PARP1: variants seen among roughly 807,000 people sequenced by gnomAD.
PARP1 encodes poly(ADP-ribose) polymerase 1.
Under a neutral mutation model 118.7 loss-of-function variants are expected in PARP1, and 44 were observed. The ratio of observed to expected loss-of-function variants is 0.37; its 90% CI spans 0.29 to 0.48. PARP1 has a LOEUF of 0.48. Among genes scored for constraint, PARP1 ranks in the 20% least tolerant of loss-of-function variants. PARP1 has a pLI of 0.99. For missense variants in PARP1, 1,100 were observed against 1,272.4 expected (o/e 0.86, Z 2.06); for synonymous variants, 492 against 483.2 (o/e 1.02, Z -0.24).
intron 14 of PARP1, 152 bp from the exon 15 acceptor site, chr1:226,370,669 G>A (rs1664362933): frequency 1.4e-6 from 1 of 698,796 alleles, no homozygotes; most frequent in East Asian, 2.7e-5. Flanking sequence ...CAAATCCAGA[G>A]TCTGTAGCCC....
intron 2 of PARP1, 116 bp downstream of exon 2, chr1:226,402,098 C>T (rs753779542): frequency 2.5e-6 from 4 of 1,595,456 alleles, no homozygotes; most frequent in Admixed American, 3.5e-5. Flanking sequence ...TACGCTTGAT[C>T]TGCACATGTG....
chr1:226,385,669 T>C lies in PARP1; in HGVS notation c.846A>G (p.Arg282=), dbSNP rs777300145. Residue 282 remains arginine (R), a synonymous_variant, in exon 7 of 23, where the codon CGA becomes CGG. Coordinates refer to ENST00000366794, the MANE Select transcript of PARP1 (RefSeq NM_001618.4). ...CACCGAACACCATGCCATCAGCTAC[T>C]CGGTCCAAGATCTGCAGCCAGTGGA... ...VPSGESAILD[R]VADGMVFGAL... is the part of the protein sequence containing the mutation. 6.2e-7 allele frequency: 1 copy of C among 1,614,030 alleles called. No homozygotes were observed. The highest frequency in any genetic ancestry group is 1.3e-5 in the African/African-American group (1 of 74,926).
Position 226,390,530 on chromosome 1 carries a change from T to C in PARP1, c.497A>G (p.Asn166Ser), listed in dbSNP as rs1297847926. 1.2e-6 allele frequency: 2 copies of C among 1,614,094 alleles called. No individual in the cohort carries two copies. The highest frequency in any genetic ancestry group is 2.7e-5 in the African/African-American group (2 of 74,922). ...RWYHPGCFVK[N>S]REELGFRPEY... ...GGGCCGGAAACCCAGCTCCTCCCTG[T>C]TCTTGACAAAGCAGCCTGGATGGTA... Residue 166 changes from asparagine (N) to serine (S), a missense_variant, in exon 4 of 23, where the codon AAC becomes AGC. Around this residue, in one of 2 missense-constraint regions of PARP1, gnomAD observed 948 missense variants for 1,031.8 expected, o/e 0.92. Transcript: ENST00000366794.
chr1:226,366,933 C>CA, intron 17 of PARP1: 1 of 187,602 alleles, frequency 5.3e-6, no homozygotes, highest in Non-Finnish European at 1.1e-5. Flanking sequence ...ACCGGGCCAT[C>CA]TAGAAGCTGA....
chr1:226,401,544 C>T (rs1396620863), intron 2 of PARP1, among the ~76,000 whole-genome samples: 1 of 152,178 alleles, frequency 6.6e-6, no homozygotes, highest in Middle Eastern at 3.2e-3. Context: ...CAATGGTAAA[C>T]TGATATGGCA....
At position 226,407,960 on chromosome 1, in the gene PARP1, G is replaced by A. The variant is rs2102750398; in HGVS notation, c.-31C>T. On this transcript the variant is annotated 5_prime_UTR_variant, in exon 1 of 23. Coordinates refer to ENST00000366794, the MANE Select transcript of PARP1 (RefSeq NM_001618.4). ...CCTAGCTGCCGCCAAAGCTCCGGAA[G>A]CCCGACGCCACGACCTAGAAACACG... 1 of 1,611,684 alleles carries A rather than the reference G, an allele frequency of 6.2e-7. No individual in the cohort carries two copies. Among genetic ancestry groups the A allele is most frequent in the African/African-American group, 1.3e-5 (1 of 74,942 alleles).
chr1:226,386,876 G>T (rs1664726329), intron 5 of PARP1, among the ~76,000 whole-genome samples: 1 of 152,080 alleles, frequency 6.6e-6, no homozygotes, highest in African/African-American at 2.4e-5. Flanking sequence ...TTCCTTGATG[G>T]TATATTATAT....
chr1:226,401,789 C>T (rs1257452039), intron 2 of PARP1, among the ~76,000 whole-genome samples: 1 of 152,076 alleles, frequency 6.6e-6, no homozygotes, highest in Non-Finnish European at 1.5e-5. Context: ...GAATGTAGAG[C>T]ATCAGGAGTT....
intron 2 of PARP1, among the ~76,000 whole-genome samples, chr1:226,397,680 C>T (rs375666436): frequency 1.2e-4 from 18 of 152,228 alleles, no homozygotes; most frequent in African/African-American, 2.4e-4. Context: ...CCTCCTGCTC[C>T]GGCCATGTCA....
At chr1:226,374,200 C>A (rs2102732124) in intron 14 of PARP1, 26 bp downstream of exon 14, 1 of 1,612,610 alleles carries the variant, frequency 6.2e-7, no homozygotes, top group Non-Finnish European at 8.5e-7. Flanking sequence ...CAAATGCTCA[C>A]AGATAAAATG....
chr1:226,368,725 C>T (rs142895148), intron 15 of PARP1, among the ~76,000 whole-genome samples: 31 of 152,102 alleles, frequency 2.0e-4, no homozygotes, highest in African/African-American at 6.3e-4. Flanking sequence ...AGGAGGTTGC[C>T]CATCGCTATA....
chr1:226,393,063 T>C (rs901696740), intron 2 of PARP1: 4 of 1,233,314 alleles, frequency 3.2e-6, no homozygotes, highest in Non-Finnish European at 4.4e-6. Flanking sequence ...TACTTGTAGA[T>C]GATTCTATTT....
At chr1:226,394,161 C>A (rs1238581072) in intron 2 of PARP1, among the ~76,000 whole-genome samples, 2 of 152,148 alleles carry the variant, frequency 1.3e-5, no homozygotes, top group African/African-American at 2.4e-5. Flanking sequence ...CCAGCCTGGG[C>A]AACATAGAGA....
At position 226,361,281 on chromosome 1, in the gene PARP1, A is replaced by C; in HGVS notation, c.*179T>G. 1.5e-6 allele frequency: 1 copy of C among 670,204 alleles called. No homozygotes were observed. The highest frequency in any genetic ancestry group is 1.7e-5 in the South Asian group (1 of 59,842). 41.5% of individuals were successfully genotyped at this position (670,204 alleles called of 1,614,324 possible). A position where few individuals can be genotyped will look rare whatever the true frequency, so the allele number is the denominator to read the frequency against. On this transcript the variant is annotated 3_prime_UTR_variant, in exon 23 of 23. Transcript: ENST00000366794. ...CAACCCCTCCCCACAGACACAACAC[A>C]AAACAAGGGACTTGAGAAGTTAGAG... is the stretch of plus-strand genomic sequence containing the variant.
chr1:226,362,702 G>A (rs9282581), intron 21 of PARP1, among the ~76,000 whole-genome samples: 10 of 152,316 alleles, frequency 6.6e-5, no homozygotes, highest in African/African-American at 2.2e-4. Flanking sequence ...GTCCCTCACT[G>A]CTGTAGCTAC....
At chr1:226,374,723 G>A (rs766420102) in intron 13 of PARP1, among the ~76,000 whole-genome samples, 5 of 152,182 alleles carry the variant, frequency 3.3e-5, no homozygotes, top group Admixed American at 2.0e-4. Flanking sequence ...GCAAACTTTG[G>A]AGCAATGGGA....
chr1:226,378,296 A>G (rs1336032465), intron 12 of PARP1, among the ~76,000 whole-genome samples: 3 of 151,994 alleles, frequency 2.0e-5, no homozygotes, highest in Non-Finnish European at 4.4e-5. Context: ...CTCACTAGAT[A>G]AGGACCACTC....
intron 1 of PARP1, among the ~76,000 whole-genome samples, chr1:226,405,665 C>T (rs904153132): frequency 1.3e-5 from 2 of 152,152 alleles, no homozygotes; most frequent in Admixed American, 1.3e-4. Context: ...CACAGCTAAG[C>T]CTCCTCTAAC....
At chr1:226,392,776 C>T (rs908525873) in intron 2 of PARP1, 5 of 631,444 alleles carry the variant, frequency 7.9e-6, no homozygotes, top group African/African-American at 3.8e-5. Flanking sequence ...TAAATATGTA[C>T]TAAAGGTATC....
Sources: gnomAD v4.1 joint callset for allele counts (sites outside exome capture counted in the v4.1 genomes callset) on GRCh38, gnomAD v4.1.1 for gene constraint, gnomAD v4.1.1 regional missense constraint, MANE v1.5 for transcripts, NCBI Gene and HGNC (gene_info 2026-07-23, HGNC 2026-07-21) for gene names.